Variants in COLEC10 observed in about 807,000 individuals in gnomAD.
COLEC10 encodes collectin-10.
A neutral mutation model predicts 28.4 loss-of-function variants in COLEC10; 22 were observed. The ratio of observed to expected loss-of-function variants is 0.78; its 90% CI spans 0.55 to 1.11. COLEC10 has a LOEUF of 1.11. Among genes scored for constraint, COLEC10 ranks in the 50% least tolerant of loss-of-function variants. The pLI, the probability that COLEC10 is intolerant of heterozygous loss-of-function variation, is 0.00. For missense variants in COLEC10, 361 were observed against 344.1 expected (o/e 1.05, Z -0.39); for synonymous variants, 125 against 116.1 (o/e 1.08, Z -0.49).
the COLEC10 span, among the ~76,000 whole-genome samples, chr8:118,962,098 A>G: frequency 6.6e-6 from 1 of 152,172 alleles, no homozygotes; most frequent in Non-Finnish European, 1.5e-5. Flanking sequence ...ATGTTGTGAA[A>G]CATTTGCAGT....
chr8:119,053,011 G>A (rs556610039), intron 2 of COLEC10, among the ~76,000 whole-genome samples: 5 of 152,066 alleles, frequency 3.3e-5, no homozygotes, highest in East Asian at 1.9e-4. Flanking sequence ...GAGCGAAGAC[G>A]GCAAAGAGGA....
At chr8:118,964,013 A>G in the COLEC10 span, among the ~76,000 whole-genome samples, 5 of 152,324 alleles carry the variant, frequency 3.3e-5, no homozygotes, top group African/African-American at 1.2e-4. Context: ...GGGAGATGGA[A>G]AAAGTGAAAA....
the COLEC10 span, among the ~76,000 whole-genome samples, chr8:118,975,920 G>T: frequency 6.6e-6 from 1 of 152,042 alleles, no homozygotes; most frequent in African/African-American, 2.4e-5. Flanking sequence ...ATCTTTGTCA[G>T]GTGTTGAGCT....
chr8:119,091,595 G>GAGAGAGAAAGAAAGAAAGAA (rs1250359009), intron 3 of COLEC10, among the ~76,000 whole-genome samples: 167 of 138,504 alleles, frequency 1.2e-3, no homozygotes, highest in African/African-American at 4.4e-3. Context: ...GAGAGAGAGA[G>GAGAGAGAAAGAAAGAAAGAA]AGAAAGAAAG....
chr8:119,046,109 T>C (rs981970047), intron 2 of COLEC10, among the ~76,000 whole-genome samples: 2 of 152,316 alleles, frequency 1.3e-5, no homozygotes, highest in East Asian at 3.9e-4. Context: ...AGAGAAAGAT[T>C]ACCTAATTAT....
At chr8:118,989,954 A>T in the COLEC10 span, among the ~76,000 whole-genome samples, 2 of 152,102 alleles carry the variant, frequency 1.3e-5, no homozygotes, top group Non-Finnish European at 2.9e-5. Context: ...ATTCTCAAAA[A>T]GTTTTGGATT....
chr8:119,065,432 C>A (rs1285562695), upstream of COLEC10, among the ~76,000 whole-genome samples: 1 of 152,162 alleles, frequency 6.6e-6, no homozygotes, highest in Non-Finnish European at 1.5e-5. Flanking sequence ...CTCCCATCAT[C>A]CCCAGATGGG....
chr8:119,055,946 C>T (rs910287030), intron 2 of COLEC10, among the ~76,000 whole-genome samples: 2 of 152,028 alleles, frequency 1.3e-5, no homozygotes, highest in Admixed American at 6.6e-5. Context: ...ATCTGTACCT[C>T]TGGCTGGAAT....
the COLEC10 span, among the ~76,000 whole-genome samples, chr8:118,968,892 A>G: frequency 1.3e-5 from 2 of 151,872 alleles, no homozygotes; most frequent in East Asian, 3.9e-4. Flanking sequence ...TGCTCTTGTT[A>G]GTTTCCTGAG....
At chr8:119,065,073 C>G (rs780269603), upstream of COLEC10, among the ~76,000 whole-genome samples, 2 of 152,130 alleles carry the variant, frequency 1.3e-5, no homozygotes, top group Non-Finnish European at 1.5e-5. Flanking sequence ...GTGTTCCTCC[C>G]ACCTCAAAAT....
chr8:118,977,719 A>G, the COLEC10 span, among the ~76,000 whole-genome samples: 1,944 of 145,616 alleles, frequency 0.013, 25 homozygotes, highest in Middle Eastern at 0.024. Context: ...CACATTGTGC[A>G]CATGTACCCT....
chr8:119,076,044 G>T (rs1272423632), intron 1 of COLEC10, among the ~76,000 whole-genome samples: 4 of 145,744 alleles, frequency 2.7e-5, no homozygotes, highest in Non-Finnish European at 6.0e-5. Context: ...GGGACCACAG[G>T]CACCCACCAC....
At chr8:119,079,417 C>CT (rs1419693910) in intron 1 of COLEC10, among the ~76,000 whole-genome samples, 6 of 152,162 alleles carry the variant, frequency 3.9e-5, no homozygotes, top group African/African-American at 1.4e-4. Context: ...ATCCTATGCT[C>CT]TTAACAACTG....
chr8:119,057,872 T>C (rs575631263), intron 2 of COLEC10, among the ~76,000 whole-genome samples: 1 of 152,210 alleles, frequency 6.6e-6, no homozygotes, highest in South Asian at 2.1e-4. Flanking sequence ...CAGAAAAGGA[T>C]ATTGATTTCT....
chr8:119,000,295 AGAG>A (rs1813669955), intron 1 of COLEC10, among the ~76,000 whole-genome samples: 2 of 152,160 alleles, frequency 1.3e-5, no homozygotes, highest in Non-Finnish European at 2.9e-5. Context: ...AAGGTGGTAC[AGAG>A]GAGAATGGGG....
chr8:119,081,197 G>C (rs1046741346), intron 1 of COLEC10, among the ~76,000 whole-genome samples: 11 of 152,020 alleles, frequency 7.2e-5, no homozygotes, highest in African/African-American at 2.4e-4. Context: ...AATTTACATA[G>C]CCAAGAACAA....
At chr8:119,070,270 G>T (rs1252798388) in intron 1 of COLEC10, among the ~76,000 whole-genome samples, 1 of 152,058 alleles carries the variant, frequency 6.6e-6, no homozygotes, top group African/African-American at 2.4e-5. Context: ...ATCATCAATA[G>T]AAATTTTAAC....
chr8:119,102,210 TCCTCCCTCCCTCCCTC>T lies in COLEC10; in HGVS notation c.293-120_293-105del, dbSNP rs200248035. 18 of 146,438 alleles carry T rather than the reference TCCTCCCTCCCTCCCTC, an allele frequency of 1.2e-4. 1 individual carries two copies. Among genetic ancestry groups the T allele is most frequent in the East Asian group, 3.5e-4 (2 of 5,652 alleles). The allele number at this position is 146,438 out of a possible 1,614,324, so 9.1% of individuals were successfully genotyped here. Reference sequence around the variant, plus strand: ...TGACTCTAGATGTAAATTCACTCCTTCCTCCCTCCCTCCCTCCCTCCCTCCCTCCCTCCTTCCTTCT... The same window carrying T: ...TGACTCTAGATGTAAATTCACTCCTTCCTCCCTCCCTCCCTCCTTCCTTCT... On this transcript the variant is annotated intron_variant, in intron 3 of 5. Coordinates refer to ENST00000332843, the MANE Select transcript of COLEC10 (RefSeq NM_006438.5).
At chr8:119,032,054 T>C (rs1814298346) in intron 2 of COLEC10, among the ~76,000 whole-genome samples, 1 of 152,200 alleles carries the variant, frequency 6.6e-6, no homozygotes, top group Non-Finnish European at 1.5e-5. Context: ...AATTGAGGCT[T>C]TCAGAGTTTG....
Sources: allele counts gnomAD v4.1 joint callset (sites outside exome capture counted in the v4.1 genomes callset), GRCh38; gene constraint gnomAD v4.1.1; transcripts MANE v1.5; gene names NCBI Gene and HGNC (gene_info 2026-07-23, HGNC 2026-07-21).